Variants in EGFLAM observed in about 807,000 individuals in gnomAD.
EGFLAM encodes EGF like, fibronectin type III and laminin G domains.
A neutral mutation model predicts 113.1 loss-of-function variants in EGFLAM; 79 were observed. That is an observed-to-expected ratio of 0.70 (90% CI 0.58 to 0.84). The LOEUF (loss-of-function observed/expected upper bound fraction) is 0.84, where lower values mean the gene tolerates loss of function less well. Ranked by LOEUF, EGFLAM falls within the 40% of genes least tolerant of loss-of-function variation. The pLI is 0.00. For synonymous variants in EGFLAM, 504 were observed against 487.6 expected (o/e 1.03, Z -0.44); for missense variants, 1,265 against 1,291.6 (o/e 0.98, Z 0.32).
chr5:38,373,207 T>C (rs1156294104), intron 6 of EGFLAM, among the ~76,000 whole-genome samples: 1 of 146,782 alleles, frequency 6.8e-6, no homozygotes, highest in Non-Finnish European at 1.5e-5. Flanking sequence ...AGTGTCCCCT[T>C]TTTACAGATT....
rs1739982362 is a variant in EGFLAM at position 38,363,542 on chromosome 5, A to G, written c.546-6754A>G. ...ACAAGTATTTTCTTATCTGGTTACA[A>G]TGGTTGCACATATCTCAAAATACCA... On this transcript the variant is annotated intron_variant, in intron 5 of 21. Transcript: ENST00000322350. Among the ~76,000 whole-genome samples the G allele has an allele frequency of 2.0e-5, 3 of 152,214 alleles. No homozygotes were observed. The South Asian group carries it at 6.2e-4, about 31-fold the overall frequency.
At chr5:38,297,707 G>T (rs913016582) in intron 1 of EGFLAM, among the ~76,000 whole-genome samples, 3 of 152,182 alleles carry the variant, frequency 2.0e-5, no homozygotes, top group Non-Finnish European at 4.4e-5. Flanking sequence ...CAAAAAGCTA[G>T]CAAGAGTCAT....
At chr5:38,460,898 C>T (rs1743250084) in intron 20 of EGFLAM, 1 of 152,330 alleles carries the variant, frequency 6.6e-6, no homozygotes, top group South Asian at 2.1e-4. Flanking sequence ...GCATCCTGCT[C>T]TTGCAGGCAT....
rs577861648 is a variant in EGFLAM, at chr5:38,372,000, G to A, written c.712+1538G>A. Reference sequence around the variant, plus strand: ...AGCTGCTCCAGGCTCACCTCTTTCAGTCTGTCCCTTAGCTTTCCCTTCTCC... The same window carrying A: ...AGCTGCTCCAGGCTCACCTCTTTCAATCTGTCCCTTAGCTTTCCCTTCTCC... On this transcript the variant is annotated intron_variant, in intron 6 of 21. Coordinates refer to ENST00000322350, the MANE Select transcript of EGFLAM (RefSeq NM_152403.4). 5.7e-4 allele frequency among the ~76,000 whole-genome samples: 86 copies of A among 152,210 alleles called. 1 individual carries two copies. Among genetic ancestry groups the A allele is most frequent in the African/African-American group, 2.0e-3 (85 of 41,538 alleles).
intron 17 of EGFLAM, chr5:38,445,547 T>C (rs1349868882): frequency 6.3e-7 from 1 of 1,585,032 alleles, no homozygotes; most frequent in East Asian, 2.2e-5. Context: ...GAGGACGTTC[T>C]GGACTCTCGG....
chr5:38,267,476 C>G (rs959455395), intron 1 of EGFLAM, among the ~76,000 whole-genome samples: 5 of 152,096 alleles, frequency 3.3e-5, no homozygotes, highest in African/African-American at 9.7e-5. Flanking sequence ...TCCCATGATC[C>G]TTTGCTTGTA....
intron 5 of EGFLAM, among the ~76,000 whole-genome samples, chr5:38,369,489 T>G (rs1210319756): frequency 1.3e-5 from 2 of 152,220 alleles, no homozygotes; most frequent in Admixed American, 6.5e-5. Context: ...TTGAATAATG[T>G]CTGGTACCTG....
intron 1 of EGFLAM, among the ~76,000 whole-genome samples, chr5:38,306,467 C>A (rs934719393): frequency 1.3e-5 from 2 of 152,182 alleles, no homozygotes; most frequent in East Asian, 3.9e-4. Flanking sequence ...ACCGTTCCTC[C>A]CCCATGATGG....
chr5:38,441,627 T>G (rs1009541601), intron 17 of EGFLAM, among the ~76,000 whole-genome samples: 3 of 129,782 alleles, frequency 2.3e-5, no homozygotes, highest in Admixed American at 2.3e-4. Context: ...CACACACGCA[T>G]TCACGTACAC....
Position 38,435,330 on chromosome 5 carries a change from A to G in EGFLAM, c.2283+77A>G, listed in dbSNP as rs1742310364. 6.4e-6 allele frequency: 7 copies of G among 1,090,752 alleles called. No individual in the cohort carries two copies. The Admixed American group carries it at 1.2e-4, about 18-fold the overall frequency. 67.6% of individuals were successfully genotyped at this position (1,090,752 alleles called of 1,614,324 possible). A position where few individuals can be genotyped will look rare whatever the true frequency, so the allele number is the denominator to read the frequency against. On this transcript the variant is annotated intron_variant, in intron 16 of 21. Transcript: ENST00000322350. ...GAAAGTGAGGATTATGATCAGTGTC[A>G]TCTGCTGCACCCAAGAAAGACACTT...
chr5:38,453,602 C>T (rs1182004858), intron 19 of EGFLAM, among the ~76,000 whole-genome samples: 3 of 152,150 alleles, frequency 2.0e-5, no homozygotes, highest in Non-Finnish European at 4.4e-5. Flanking sequence ...TCTCTGCCTT[C>T]CTGTCCTCCG....
At chr5:38,343,075 C>T (rs546408006) in intron 3 of EGFLAM, among the ~76,000 whole-genome samples, 66 of 152,182 alleles carry the variant, frequency 4.3e-4, no homozygotes, top group Non-Finnish European at 7.4e-4. Context: ...GGGGCGAAGT[C>T]ACTGATCTTT....
intron 12 of EGFLAM, 151 bp from the exon 13 acceptor site, chr5:38,424,816 G>A (rs1741943273): frequency 1.9e-6 from 2 of 1,026,780 alleles, no homozygotes; most frequent in Non-Finnish European, 2.7e-6. Context: ...TATCCTGAAA[G>A]CCCATTTGCA....
At chr5:38,381,389 T>A (rs1042708204) in intron 6 of EGFLAM, among the ~76,000 whole-genome samples, 1 of 152,214 alleles carries the variant, frequency 6.6e-6, no homozygotes, top group Non-Finnish European at 1.5e-5. Context: ...CGGTGCATGC[T>A]GGCTGAGTTT....
chr5:38,373,783 TG>T (rs1740291914), intron 6 of EGFLAM, among the ~76,000 whole-genome samples: 1 of 152,208 alleles, frequency 6.6e-6, no homozygotes, highest in South Asian at 2.1e-4. Flanking sequence ...TGCCCAGTAG[TG>T]GGATTGCTGG....
chr5:38,270,110 C>G (rs2111712058), intron 1 of EGFLAM, among the ~76,000 whole-genome samples: 1 of 151,974 alleles, frequency 6.6e-6, no homozygotes, highest in Middle Eastern at 3.4e-3. Context: ...GTAGAGTAAC[C>G]TGGGACAGCT....
chr5:38,463,543 A>G (rs372679750), intron 21 of EGFLAM, among the ~76,000 whole-genome samples: 10 of 152,232 alleles, frequency 6.6e-5, no homozygotes, highest in African/African-American at 2.4e-4. Context: ...ACTAGACACT[A>G]TTTGGTCTCA....
intron 17 of EGFLAM, among the ~76,000 whole-genome samples, chr5:38,446,385 C>T (rs1742713636): frequency 6.6e-6 from 1 of 151,842 alleles, no homozygotes; most frequent in African/African-American, 2.4e-5. Context: ...TTCCTCGGCA[C>T]TTTCTTTCCT....
chr5:38,294,769 A>G (rs377183963), intron 1 of EGFLAM, among the ~76,000 whole-genome samples: 31 of 152,342 alleles, frequency 2.0e-4, no homozygotes, highest in African/African-American at 7.5e-4. Context: ...AATCCAAATG[A>G]TATTAATTAA....
Sources: allele counts gnomAD v4.1 joint callset (sites outside exome capture counted in the v4.1 genomes callset), GRCh38; gene constraint gnomAD v4.1.1; transcripts MANE v1.5; gene names NCBI Gene and HGNC (gene_info 2026-07-23, HGNC 2026-07-21).